Variants in FMO3 observed in about 807,000 individuals in gnomAD.
The protein encoded by FMO3 is flavin containing dimethylaniline monoxygenase 3.
FMO3 carries 40 observed loss-of-function variants against 39.4 expected under a neutral mutation model. That is an observed-to-expected ratio of 1.02 (90% confidence interval 0.79 to 1.32). The LOEUF (loss-of-function observed/expected upper bound fraction) is 1.32. Among genes scored for constraint, FMO3 ranks in the 40% most tolerant of loss-of-function variants. The pLI is 0.00. For missense variants in FMO3, 680 were observed against 651.8 expected, an observed-to-expected ratio of 1.04 and a Z score of -0.47; for synonymous variants, 219 against 228.8, an observed-to-expected ratio of 0.96 and a Z score of 0.39.
chr1:171,113,916 C>T, intron 6 of FMO3, 91 bp from the exon 7 acceptor site: 1 of 932,142 alleles, frequency 1.1e-6, no homozygotes, highest in Admixed American at 2.9e-5. Flanking sequence ...AATCTTGGGT[C>T]ATTTTTTCCT....
intron 3 of FMO3, among the ~76,000 whole-genome samples, chr1:171,106,240 A>G (rs1230282006): frequency 1.3e-5 from 2 of 151,952 alleles, no homozygotes; most frequent in Non-Finnish European, 2.9e-5. Context: ...TCCTAGGTTC[A>G]AGTGATTCTC....
In FMO3 at chr1:171,092,628, A is replaced by G. The variant is rs1333591685; in HGVS notation, c.-6-25A>G. On this transcript the variant is annotated intron_variant, in intron 1 of 8. Transcript: ENST00000367755. ...ACATTTTCAGCAATGTTGTTACTGG[A>G]AATGTTCTCTGGGCCTTTGCACAGG... is the stretch of plus-strand genomic sequence containing the variant. The G allele has an allele frequency of 6.2e-6, 10 of 1,613,414 alleles. No individual in the cohort carries two copies. The South Asian group carries it at 1.1e-4, about 18-fold the overall frequency.
chr1:171,116,591 C>T (rs1656164756), intron 8 of FMO3, among the ~76,000 whole-genome samples: 1 of 152,148 alleles, frequency 6.6e-6, no homozygotes, highest in East Asian at 1.9e-4. Context: ...GATTTGAAAT[C>T]AGAGGAGTTT....
chr1:171,096,025 A>ATATATGAATATATAATATATATT (rs1491256935), intron 2 of FMO3, among the ~76,000 whole-genome samples: 2 of 45,972 alleles, frequency 4.4e-5, no homozygotes, highest in African/African-American at 9.8e-5. Context: ...ATTATATATT[A>ATATATGAATATATAATATATATT]ATATATAATA....
intron 2 of FMO3, among the ~76,000 whole-genome samples, chr1:171,097,135 G>T (rs1655137743): frequency 6.7e-6 from 1 of 148,608 alleles, no homozygotes; most frequent in African/African-American, 2.5e-5. Context: ...ATTTTTTATG[G>T]CTGCATAGTA....
chr1:171,104,566 GA>G (rs1655555413), intron 3 of FMO3, among the ~76,000 whole-genome samples: 1 of 152,088 alleles, frequency 6.6e-6, no homozygotes, highest in African/African-American at 2.4e-5. Context: ...TTAATTATTT[GA>G]AAGGACTAAT....
intron 5 of FMO3, among the ~76,000 whole-genome samples, chr1:171,109,121 G>A (rs1466863969): frequency 6.6e-6 from 1 of 152,100 alleles, no homozygotes; most frequent in East Asian, 1.9e-4. Flanking sequence ...CTTTGCTTGT[G>A]GGAAGAAAGT....
intron 2 of FMO3, among the ~76,000 whole-genome samples, chr1:171,098,565 G>T (rs1312221491): frequency 6.6e-6 from 1 of 152,114 alleles, no homozygotes; most frequent in Non-Finnish European, 1.5e-5. Flanking sequence ...GTGAATGGGA[G>T]TTCACTCATG....
At chr1:171,116,021 A>G (rs1656130182) in intron 7 of FMO3, among the ~76,000 whole-genome samples, 187 bp from the exon 8 acceptor site, 2 of 152,218 alleles carry the variant, frequency 1.3e-5, no homozygotes, top group African/African-American at 4.8e-5. Context: ...GAGCAAAGCT[A>G]TTTAGGTAAT....
At chr1:171,102,742 A>C (rs10911192) in intron 2 of FMO3, among the ~76,000 whole-genome samples, 82,309 of 151,996 alleles carry the variant, frequency 0.54, 23,180 homozygotes, top group African/African-American at 0.71. Flanking sequence ...AATATCCTAA[A>C]CTTCTCATTA....
chr1:171,095,949 G>T (rs375737760), intron 2 of FMO3, among the ~76,000 whole-genome samples: 123 of 2,644 alleles, frequency 0.047, no homozygotes, highest in South Asian at 0.12. Flanking sequence ...ATATATTTAT[G>T]TATTATAATT....
In FMO3 at chr1:171,108,228, C is replaced by T. The variant is rs1655740722; in HGVS notation, c.627+7C>T. The T allele has an allele frequency of 6.2e-7, 1 of 1,613,582 alleles. No homozygotes were observed. The highest frequency in any genetic ancestry group is 1.7e-5 in the Admixed American group (1 of 59,944). ...CAGCCGCACAGCAGAACAGGTACTA[C>T]TCCCCGGGTACTCGGGTGACTCTCG... On this transcript the variant is annotated splice_region_variant and intron_variant, in intron 5 of 8. Coordinates refer to ENST00000367755, the MANE Select transcript of FMO3 (RefSeq NM_001002294.3).
intron 7 of FMO3, among the ~76,000 whole-genome samples, chr1:171,115,264 G>C (rs1656092170): frequency 1.3e-5 from 2 of 152,108 alleles, no homozygotes; most frequent in Non-Finnish European, 2.9e-5. Flanking sequence ...CACGGCACAG[G>C]CTCTCTTAAG....
chr1:171,103,807 C>T lies in FMO3; in HGVS notation c.155C>T (p.Ala52Val), dbSNP rs752634393. ...CAGGACCATGCAGAGGAGGGCAGGG[C>T]TAGCATTTACAAATCAGTCTTTTCC... is the stretch of plus-strand genomic sequence containing the variant. ...KFSDHAEEGR[A>V]SIYKSVFSNS... Residue 52 changes from alanine to valine, a missense_variant, in exon 3 of 9, where the codon GCT (alanine) becomes GTT (valine). By Grantham distance (64) the Ala-to-Val change is moderately conservative. Transcript: ENST00000367755. 5.6e-6 allele frequency: 9 copies of T among 1,613,478 alleles called. No homozygotes were observed. Among genetic ancestry groups the T allele is most frequent in the Non-Finnish European group, 7.6e-6 (9 of 1,179,646 alleles).
At position 171,114,514 on chromosome 1, in the gene FMO3, A is replaced by G. The variant is rs1459395777; in HGVS notation, c.1183+152A>G. The stretch of plus-strand genomic sequence containing the variant: ...TCTTTAGTGCTATATTTTGTTAGCA[A>G]TTTAAAGTATACCAGTTTGGATTAT... On this transcript the variant is annotated intron_variant, in intron 7 of 8. Transcript: ENST00000367755. 2.2e-5 allele frequency: 15 copies of G among 674,434 alleles called. No homozygotes were observed. In the Admixed American group the frequency reaches 3.5e-4, roughly 16 times the overall value. The allele number at this position is 674,434 out of a possible 1,614,324, so 41.8% of individuals were successfully genotyped here.
chr1:171,110,607 A>T (rs1571222003), intron 5 of FMO3, among the ~76,000 whole-genome samples, 191 bp from the exon 6 acceptor site: 1 of 152,184 alleles, frequency 6.6e-6, no homozygotes, highest in Non-Finnish European at 1.5e-5. Flanking sequence ...AAAGAGTAGA[A>T]GATGTTGGGT....
Position 171,106,881 on chromosome 1 carries a change from A to G in FMO3, c.322-794A>G, listed in dbSNP as rs1410416244. On this transcript the variant is annotated intron_variant, in intron 3 of 8. Transcript: ENST00000367755. ...TATAATAGCATAACTAATTAACTAA[A>G]TTATCCCACAGTTATTCTAAACAAA... Among the ~76,000 whole-genome samples the G allele has an allele frequency of 1.3e-5, 2 of 152,174 alleles. 1 individual carries two copies. The highest frequency in any genetic ancestry group is 4.1e-4 in the South Asian group (2 of 4,826).
chr1:171,101,708 C>T (rs1466383206), intron 2 of FMO3: 3 of 511,278 alleles, frequency 5.9e-6, no homozygotes, highest in Non-Finnish European at 1.2e-5. Context: ...GTATTTCCCT[C>T]ACCTTCTTTG....
rs1433738427 is a variant in FMO3 at position 171,108,680 on chromosome 1, T to G, written c.627+459T>G. ...GGCTCATTTATTCATTCATTTATGA[T>G]GCAGGCACACATTTATTCAATGACT... On this transcript the variant is annotated intron_variant, in intron 5 of 8. Coordinates refer to ENST00000367755, the MANE Select transcript of FMO3 (RefSeq NM_001002294.3). 2.6e-5 allele frequency among the ~76,000 whole-genome samples: 4 copies of G among 152,174 alleles called. 1 individual carries two copies. Among genetic ancestry groups the G allele is most frequent in the Admixed American group, 6.5e-5 (1 of 15,270 alleles).
Sources: gnomAD v4.1 joint callset for allele counts (sites outside exome capture counted in the v4.1 genomes callset) on GRCh38, gnomAD v4.1.1 for gene constraint, MANE v1.5 for transcripts, NCBI Gene and HGNC (gene_info 2026-07-23, HGNC 2026-07-21) for gene names.